Variants in MIPOL1 observed in about 807,000 individuals in gnomAD.
MIPOL1 encodes mirror-image polydactyly 1.
MIPOL1 carries 57 observed loss-of-function variants against 60.9 expected under a neutral mutation model. The ratio of observed to expected loss-of-function variants is 0.94; its 90% CI spans 0.76 to 1.17. MIPOL1 has a LOEUF of 1.17. Among genes scored for constraint, MIPOL1 ranks in the 50% most tolerant of loss-of-function variants. The pLI is 0.00. For synonymous variants in MIPOL1, 179 were observed against 168.8 expected (o/e 1.06, Z -0.47); for missense variants, 551 against 511.6 (o/e 1.08, Z -0.74).
intron 11 of MIPOL1, among the ~76,000 whole-genome samples, chr14:37,446,121 T>A (rs1467657742): frequency 6.6e-6 from 1 of 152,240 alleles, no homozygotes; most frequent in East Asian, 1.9e-4. Flanking sequence ...GACACTACCA[T>A]CAGAGTGAAC....
At chr14:37,230,705 A>G (rs1970483560) in intron 1 of MIPOL1, among the ~76,000 whole-genome samples, 1 of 152,196 alleles carries the variant, frequency 6.6e-6, no homozygotes, top group East Asian at 1.9e-4. Flanking sequence ...TCTAAAAGTC[A>G]GTTTTGTTAG....
Position 37,547,357 on chromosome 14 carries a change from T to C in MIPOL1, c.*386T>C, listed in dbSNP as rs946903644. 4 of 175,318 alleles carry C rather than the reference T, an allele frequency of 2.3e-5. No individual in the cohort carries two copies. The highest frequency in any genetic ancestry group is 4.8e-5 in the Non-Finnish European group (4 of 82,560). The allele number at this position is 175,318 out of a possible 1,614,324, so 10.9% of individuals were successfully genotyped here. On this transcript the variant is annotated 3_prime_UTR_variant, in exon 13 of 13. Transcript: ENST00000684589. ...GAATCAAAGTGCGGCAAAGTAAATA[T>C]TGTCTAAGCTTTAATCCACTGTGTT... is the stretch of plus-strand genomic sequence containing the variant.
chr14:37,524,944 G>A (rs1479138115), intron 12 of MIPOL1, among the ~76,000 whole-genome samples: 1 of 152,030 alleles, frequency 6.6e-6, no homozygotes, highest in Non-Finnish European at 1.5e-5. Flanking sequence ...GAAATAAAAT[G>A]AGCATGATTA....
At chr14:37,355,063 T>G (rs2091699733) in intron 9 of MIPOL1, among the ~76,000 whole-genome samples, 1 of 148,200 alleles carries the variant, frequency 6.7e-6, no homozygotes, top group African/African-American at 2.5e-5. Context: ...CCTTTCCATG[T>G]TTAGCACTTC....
At chr14:37,508,833 T>G (rs2095302715) in intron 12 of MIPOL1, among the ~76,000 whole-genome samples, 1 of 152,130 alleles carries the variant, frequency 6.6e-6, no homozygotes. Context: ...ATTTTAGGAT[T>G]TTTTTTAAGG....
intron 11 of MIPOL1, among the ~76,000 whole-genome samples, chr14:37,496,335 C>T: frequency 7.6e-6 from 1 of 132,374 alleles, no homozygotes; most frequent in Non-Finnish European, 1.6e-5. Context: ...AAAGGGTATT[C>T]AATTAGGAAA....
chr14:37,400,539 A>G (rs1284237332), intron 10 of MIPOL1: 1 of 152,180 alleles, frequency 6.6e-6, no homozygotes, highest in African/African-American at 2.4e-5. Context: ...TGTGGAACCA[A>G]TATAAATTCC....
At chr14:37,376,310 C>A (rs1420027886) in intron 10 of MIPOL1, among the ~76,000 whole-genome samples, 3 of 152,118 alleles carry the variant, frequency 2.0e-5, no homozygotes, top group Non-Finnish European at 4.4e-5. Flanking sequence ...TTTCACCGCC[C>A]AAAATATCCT....
chr14:37,307,320 T>C (rs1254505961), intron 7 of MIPOL1, among the ~76,000 whole-genome samples: 1 of 152,006 alleles, frequency 6.6e-6, no homozygotes, highest in Non-Finnish European at 1.5e-5. Flanking sequence ...GCCTAAATTA[T>C]ATTATAGACA....
At chr14:37,417,615 A>C (rs968306264) in intron 10 of MIPOL1, among the ~76,000 whole-genome samples, 2 of 152,162 alleles carry the variant, frequency 1.3e-5, no homozygotes, top group African/African-American at 4.8e-5. Context: ...TCTTTTTACT[A>C]GGTTCTTAAC....
At chr14:37,406,557 A>T (rs985705548) in intron 10 of MIPOL1, among the ~76,000 whole-genome samples, 1 of 152,110 alleles carries the variant, frequency 6.6e-6, no homozygotes, top group Admixed American at 6.6e-5. Context: ...CTGTGTGCTC[A>T]TGTTCTTAGG....
intron 1 of MIPOL1, among the ~76,000 whole-genome samples, chr14:37,205,922 A>G (rs1487292293): frequency 6.6e-6 from 1 of 152,160 alleles, no homozygotes; most frequent in Non-Finnish European, 1.5e-5. Flanking sequence ...AGTACCATAT[A>G]AACATACATG....
At chr14:37,280,461 C>T (rs1037790350) in intron 6 of MIPOL1, among the ~76,000 whole-genome samples, 2 of 152,186 alleles carry the variant, frequency 1.3e-5, no homozygotes, top group African/African-American at 4.8e-5. Flanking sequence ...TTGCTTTTCT[C>T]CACATCCACA....
At position 37,495,626 on chromosome 14, in the gene MIPOL1, AGTC is replaced by A. The variant is rs2095114118; in HGVS notation, c.1032-4281_1032-4279del. On this transcript the variant is annotated intron_variant, in intron 11 of 12. Coordinates refer to ENST00000684589, the MANE Select transcript of MIPOL1 (RefSeq NM_001388067.1). The stretch of plus-strand genomic sequence containing the variant: ...GTGTCTTTATAGCAGCATGATTTAT[AGTC>A]CTTTGGGTATATACCCAGTAATGGG... 5.2e-5 allele frequency among the ~76,000 whole-genome samples: 7 copies of A among 135,920 alleles called. 1 individual carries two copies. Among genetic ancestry groups the A allele is most frequent in the African/African-American group, 2.0e-4 (7 of 35,398 alleles). 89.2% of individuals were successfully genotyped at this position (135,920 alleles called of 152,430 possible).
chr14:37,422,501 A>G (rs1398114845), intron 10 of MIPOL1, among the ~76,000 whole-genome samples: 4 of 151,966 alleles, frequency 2.6e-5, no homozygotes, highest in Admixed American at 1.3e-4. Flanking sequence ...TGTATGTGAA[A>G]CACCCATTGT....
intron 12 of MIPOL1, among the ~76,000 whole-genome samples, chr14:37,513,148 A>G (rs1473351593): frequency 6.6e-6 from 1 of 152,126 alleles, no homozygotes; most frequent in Non-Finnish European, 1.5e-5. Flanking sequence ...ATTCTTTGAC[A>G]TGTGATATGC....
intron 11 of MIPOL1, among the ~76,000 whole-genome samples, chr14:37,456,095 T>C (rs904499460): frequency 6.6e-6 from 1 of 152,014 alleles, no homozygotes; most frequent in Non-Finnish European, 1.5e-5. Flanking sequence ...AGAAGGTTTC[T>C]TCTACGTGAT....
At chr14:37,336,205 A>G (rs920040122) in intron 9 of MIPOL1, among the ~76,000 whole-genome samples, 3 of 151,298 alleles carry the variant, frequency 2.0e-5, no homozygotes, top group Non-Finnish European at 4.4e-5. Context: ...TACCTTTATC[A>G]AAAATGACTT....
At chr14:37,291,914 ATTTTTT>A (rs57230205) in intron 7 of MIPOL1, among the ~76,000 whole-genome samples, 1 of 92,976 alleles carries the variant, frequency 1.1e-5, no homozygotes, top group East Asian at 3.2e-4. Flanking sequence ...AATGGCAATA[ATTTTTT>A]TTTTTTTTTT....
Sources: gnomAD v4.1 joint callset for allele counts (sites outside exome capture counted in the v4.1 genomes callset) on GRCh38, gnomAD v4.1.1 for gene constraint, MANE v1.5 for transcripts, NCBI Gene and HGNC (gene_info 2026-07-23, HGNC 2026-07-21) for gene names.